FBXO9: variants seen among roughly 807,000 people sequenced by gnomAD.
FBXO9 encodes F-box only protein 9.
A neutral mutation model predicts 63.7 loss-of-function variants in FBXO9; 43 were observed. That is an observed-to-expected ratio of 0.67 (90% CI 0.53 to 0.87). The LOEUF (loss-of-function observed/expected upper bound fraction) is 0.87, where lower values mean the gene tolerates loss of function less well. Among genes scored for constraint, FBXO9 ranks in the 40% least tolerant of loss-of-function variants. The pLI is 0.00. For missense variants in FBXO9, 442 were observed against 533.2 expected, an observed-to-expected ratio of 0.83 and a Z score of 1.68; for synonymous variants, 156 against 171.7, an observed-to-expected ratio of 0.91 and a Z score of 0.72.
At position 53,095,665 on chromosome 6, in the gene FBXO9, G is replaced by A. The variant is rs1312532571; in HGVS notation, c.1205+1G>A. On this transcript the variant is annotated splice_donor_variant, in intron 12 of 12. Coordinates refer to ENST00000323557, the MANE Select transcript of FBXO9 (RefSeq NM_033480.3). LOFTEE classifies it high-confidence loss of function. ...ATCATTCTTGTCACATTACTTACAAGTAGGTGAATGCAATAAAAATAACAA... is the reference window on the plus strand; with the variant it reads ...ATCATTCTTGTCACATTACTTACAAATAGGTGAATGCAATAAAAATAACAA... 2 of 1,603,490 alleles carry A rather than the reference G, an allele frequency of 1.2e-6. No individual in the cohort carries two copies. Among genetic ancestry groups the A allele is most frequent in the Non-Finnish European group, 1.7e-6 (2 of 1,176,192 alleles).
intron 10 of FBXO9, among the ~76,000 whole-genome samples, 154 bp from the exon 11 acceptor site, chr6:53,093,731 T>G (rs1763117393): frequency 6.6e-6 from 1 of 152,232 alleles, no homozygotes; most frequent in African/African-American, 2.4e-5. Context: ...GAAAATCTAC[T>G]TCAGCAGGTC....
Position 53,095,586 on chromosome 6 carries a change from G to A in FBXO9, c.1127G>A (p.Gly376Glu). Residue 376 changes from glycine to glutamate, a missense_variant, in exon 12 of 13, where the codon GGG becomes GAG. By Grantham distance (98) the Gly-to-Glu change is moderately conservative (BLOSUM62 -2). Transcript: ENST00000323557. ...GAAGCAGATCAGAGTTTTCATGTGG[G>A]GCTACAGCTATGTTCCAGTGGTCAC... ...VQEADQSFHVGLQLCSSGHQR... is the reference protein window; with the variant it reads ...VQEADQSFHVELQLCSSGHQR... 6.2e-7 allele frequency: 1 copy of A among 1,613,472 alleles called. No individual in the cohort carries two copies. Among genetic ancestry groups the A allele is most frequent in the Non-Finnish European group, 8.5e-7 (1 of 1,179,676 alleles).
chr6:53,069,782 T>C (rs1032557278), intron 1 of FBXO9, among the ~76,000 whole-genome samples: 3 of 152,200 alleles, frequency 2.0e-5, no homozygotes, highest in African/African-American at 4.8e-5. Flanking sequence ...CTGTGAAATA[T>C]ATGTATTTTA....
chr6:53,080,792 A>T (rs1369345283), intron 5 of FBXO9, among the ~76,000 whole-genome samples, 176 bp from the exon 6 acceptor site: 2 of 152,232 alleles, frequency 1.3e-5, no homozygotes, highest in Non-Finnish European at 2.9e-5. Context: ...GAAAAACTTG[A>T]TACAGTATTC....
At chr6:53,066,134 A>G in intron 1 of FBXO9, 1 of 1,112,434 alleles carries the variant, frequency 9.0e-7, no homozygotes, top group East Asian at 5.0e-5. Context: ...TATCAGAAGC[A>G]TTGAGCATAG....
chr6:53,099,386 C>T lies in FBXO9; in HGVS notation c.*1556C>T, dbSNP rs1184932092. The T allele has an allele frequency of 6.6e-6, 1 of 151,864 alleles. No homozygotes were observed. The highest frequency in any genetic ancestry group is 1.5e-5 in the Non-Finnish European group (1 of 68,044). The allele number at this position is 151,864 out of a possible 1,614,324, so 9.4% of individuals were successfully genotyped here. Reference sequence around the variant, plus strand: ...CCAGCCTGAGCAACACAGTGAGACCCTATCTCAAAAAAATAATGATGATAG... The same window carrying T: ...CCAGCCTGAGCAACACAGTGAGACCTTATCTCAAAAAAATAATGATGATAG... On this transcript the variant is annotated 3_prime_UTR_variant, in exon 13 of 13. Transcript: ENST00000323557.
At chr6:53,092,640 G>C in intron 8 of FBXO9, 93 bp downstream of exon 8, 2 of 1,376,730 alleles carry the variant, frequency 1.5e-6, no homozygotes, top group Non-Finnish European at 2.1e-6. Context: ...ATGAATGTGA[G>C]TACTGTAAGC....
intron 5 of FBXO9, among the ~76,000 whole-genome samples, chr6:53,079,121 CAG>C (rs1175575805): frequency 1.3e-5 from 2 of 151,638 alleles, no homozygotes; most frequent in Admixed American, 6.6e-5. Flanking sequence ...CAAAAATAAA[CAG>C]ATACAAAAAA....
In FBXO9 at chr6:53,065,617, C is replaced by A; in HGVS notation, c.-173C>A. The A allele has an allele frequency of 2.7e-6, 2 of 745,876 alleles. No individual in the cohort carries two copies. Among genetic ancestry groups the A allele is most frequent in the Non-Finnish European group, 3.7e-6 (2 of 533,748 alleles). The allele number at this position is 745,876 out of a possible 1,614,324, so 46.2% of individuals were successfully genotyped here. A position where few individuals can be genotyped will look rare whatever the true frequency, so the allele number is the denominator to read the frequency against. ...CCCCGCGAAGATGGCTGCCGTACGC[C>A]GGGCCCGCAGTTATTGCCGCTGCCT... On this transcript the variant is annotated 5_prime_UTR_variant, in exon 1 of 13. Transcript: ENST00000323557.
At chr6:53,083,747 T>C (rs1394428019) in intron 7 of FBXO9, among the ~76,000 whole-genome samples, 3 of 152,218 alleles carry the variant, frequency 2.0e-5, no homozygotes, top group Non-Finnish European at 1.5e-5. Context: ...CTTCCTCAGC[T>C]CTCTTTGTCA....
chr6:53,082,475 A>G, intron 6 of FBXO9, 29 bp from the exon 7 acceptor site: 1 of 1,419,506 alleles, frequency 7.0e-7, no homozygotes, highest in East Asian at 2.3e-5. Flanking sequence ...CATAGAGGAG[A>G]GTCACTGAAG....
chr6:53,072,400 C>A (rs147104772), intron 2 of FBXO9, among the ~76,000 whole-genome samples: 3 of 152,230 alleles, frequency 2.0e-5, no homozygotes, highest in Non-Finnish European at 4.4e-5. Flanking sequence ...GAGAGGGAAA[C>A]AAATGGGCAG....
intron 2 of FBXO9, among the ~76,000 whole-genome samples, chr6:53,072,681 A>G (rs1037797875): frequency 6.6e-6 from 1 of 152,160 alleles, no homozygotes; most frequent in South Asian, 2.1e-4. Context: ...TGGGCAACAC[A>G]CCAGAGTCTA....
At chr6:53,066,154 A>G (rs1581800992) in intron 1 of FBXO9, 1 of 1,059,408 alleles carries the variant, frequency 9.4e-7, no homozygotes, top group East Asian at 6.7e-5. Flanking sequence ...GATTGAGGTA[A>G]GCTGTCACAG....
chr6:53,080,128 C>A (rs778008304), intron 5 of FBXO9, among the ~76,000 whole-genome samples: 1 of 151,554 alleles, frequency 6.6e-6, no homozygotes. Flanking sequence ...CAAACCCAGA[C>A]GCTATGAAAG....
At chr6:53,082,198 T>C (rs1465580930) in intron 6 of FBXO9, among the ~76,000 whole-genome samples, 1 of 152,176 alleles carries the variant, frequency 6.6e-6, no homozygotes, top group Non-Finnish European at 1.5e-5. Flanking sequence ...GCAATATGGA[T>C]CACACACACA....
intron 2 of FBXO9, among the ~76,000 whole-genome samples, chr6:53,071,351 G>A (rs780269129): frequency 6.6e-6 from 1 of 152,124 alleles, no homozygotes; most frequent in Non-Finnish European, 1.5e-5. Flanking sequence ...TTTAACATGG[G>A]TTTAAAGTAT....
At chr6:53,070,859 A>G (rs751349373) in intron 1 of FBXO9, 198 bp from the exon 2 acceptor site, 1 of 782,492 alleles carries the variant, frequency 1.3e-6, no homozygotes, top group African/African-American at 1.7e-5. Context: ...AGTAGAGAAT[A>G]TGCTTTTCAG....
At chr6:53,093,603 T>G in intron 10 of FBXO9, 42 bp downstream of exon 10, 1 of 1,424,618 alleles carries the variant, frequency 7.0e-7, no homozygotes, top group South Asian at 1.2e-5. Context: ...CAGTCTATGT[T>G]TTATATGGTT....
Sources: allele counts gnomAD v4.1 joint callset (sites outside exome capture counted in the v4.1 genomes callset), GRCh38; gene constraint gnomAD v4.1.1; transcripts MANE v1.5; gene names NCBI Gene and HGNC (gene_info 2026-07-23, HGNC 2026-07-21).